TRAPPC6B: variants seen among roughly 807,000 people sequenced by gnomAD.
The protein encoded by TRAPPC6B is TRAPP complex subunit 6B.
In TRAPPC6B, 27 loss-of-function variants were observed where a neutral mutation model predicts 24.7. That is an observed-to-expected ratio of 1.09 (90% CI 0.81 to 1.51). The LOEUF is 1.51. TRAPPC6B is among the 40% of genes most tolerant of loss of function. The pLI, the probability that TRAPPC6B is intolerant of heterozygous loss-of-function variation, is 0.00. For synonymous variants in TRAPPC6B, 80 were observed against 66.6 expected, an observed-to-expected ratio of 1.20 and a Z score of -0.98; for missense variants, 212 against 190.8, an observed-to-expected ratio of 1.11 and a Z score of -0.66.
intron 4 of TRAPPC6B, 46 bp from the exon 5 acceptor site, chr14:39,151,885 T>C (rs1164334027): frequency 3.1e-6 from 4 of 1,289,380 alleles, no homozygotes; most frequent in Non-Finnish European, 4.4e-6. Context: ...TTTACTAAAA[T>C]AGTAAAGCTA....
chr14:39,152,489 C>T (rs2052926789), intron 4 of TRAPPC6B, among the ~76,000 whole-genome samples: 1 of 152,142 alleles, frequency 6.6e-6, no homozygotes, highest in Non-Finnish European at 1.5e-5. Flanking sequence ...ATTAGCAATT[C>T]AGGGAATTTT....
At chr14:39,159,374 C>T in intron 2 of TRAPPC6B, 109 bp downstream of exon 2, 1 of 666,592 alleles carries the variant, frequency 1.5e-6, no homozygotes, top group South Asian at 3.5e-5. Flanking sequence ...AAGAGAATAA[C>T]ATTCAGGAAT....
At chr14:39,157,577 T>C (rs568688644) in intron 3 of TRAPPC6B, 2 of 379,754 alleles carry the variant, frequency 5.3e-6, no homozygotes, top group Non-Finnish European at 1.0e-5. Flanking sequence ...CTGCCTGCCT[T>C]GTGTCATAAA....
At chr14:39,168,780 C>T (rs1472360597) in intron 1 of TRAPPC6B, among the ~76,000 whole-genome samples, 1 of 152,108 alleles carries the variant, frequency 6.6e-6, no homozygotes, top group African/African-American at 2.4e-5. Flanking sequence ...TCTCACTATC[C>T]CTGTCTTAAT....
chr14:39,154,263 C>T lies in TRAPPC6B; in HGVS notation c.299G>A (p.Arg100His), dbSNP rs763991701. 9 of 1,613,094 alleles carry T rather than the reference C, an allele frequency of 5.6e-6. No homozygotes were observed. The East Asian group carries it at 6.7e-5, about 12-fold the overall frequency. The part of the protein sequence containing the change: ...GIYVLQDNKF[R>H]LLTQMSAGKQ... ...TCCTGCAGACATCTGAGTAAGCAGG[C>T]GAAATTTGTTGTCCTGAAGTACATA... The change falls in exon 4 of 6, where the codon CGC becomes CAC. Residue 100 changes from arginine (R) to histidine (H), a missense_variant. Arg to His is a conservative substitution (Grantham distance 29). Coordinates refer to ENST00000330149, the MANE Select transcript of TRAPPC6B (RefSeq NM_001079537.2).
rs2053155127 is a variant in TRAPPC6B at position 39,170,221 on chromosome 14, C to T, written c.-126G>A. ...TCAGGCCGCCATTCTATCCCTGTGG[C>T]TAAGAGACCGAGGTATTCACACGAC... On this transcript the variant is annotated 5_prime_UTR_variant, in exon 1 of 6. Transcript: ENST00000330149. 1.2e-6 allele frequency: 1 copy of T among 827,836 alleles called. No homozygotes were observed. The allele number at this position is 827,836 out of a possible 1,614,324, so 51.3% of individuals were successfully genotyped here.
intron 1 of TRAPPC6B, among the ~76,000 whole-genome samples, chr14:39,161,609 A>G (rs564944494): frequency 1.3e-5 from 2 of 152,284 alleles, no homozygotes; most frequent in South Asian, 2.1e-4. Flanking sequence ...CCTTCACTTA[A>G]GCTCGCTCAC....
chr14:39,158,229 G>C (rs35270180), intron 3 of TRAPPC6B, 56 bp downstream of exon 3: 2 of 926,468 alleles, frequency 2.2e-6, no homozygotes. Context: ...ACTAAAATAC[G>C]ATATTTATAT....
chr14:39,166,526 TTTATAGTGTAA>T (rs2053110477), intron 1 of TRAPPC6B, among the ~76,000 whole-genome samples: 1 of 152,186 alleles, frequency 6.6e-6, no homozygotes, highest in African/African-American at 2.4e-5. Flanking sequence ...AGAAATTTAG[TTTATAGTGTAA>T]GCTTAAAGCA....
At chr14:39,153,453 T>G (rs1401654127) in intron 4 of TRAPPC6B, among the ~76,000 whole-genome samples, 2 of 146,446 alleles carry the variant, frequency 1.4e-5, no homozygotes, top group Non-Finnish European at 3.0e-5. Flanking sequence ...CATCGTGGGA[T>G]CCCATCTCTA....
chr14:39,155,520 C>T (rs1480527929), intron 3 of TRAPPC6B, among the ~76,000 whole-genome samples: 3 of 149,874 alleles, frequency 2.0e-5, no homozygotes, highest in Non-Finnish European at 3.0e-5. Flanking sequence ...GGATTATAGG[C>T]GTGAGCCACC....
intron 2 of TRAPPC6B, 46 bp from the exon 3 acceptor site, chr14:39,158,448 A>T: frequency 9.1e-7 from 1 of 1,095,528 alleles, no homozygotes; most frequent in Non-Finnish European, 1.3e-6. Context: ...CCTCCAAAAA[A>T]AGCAAGAGGG....
In TRAPPC6B at chr14:39,148,647, CATT is replaced by C. The variant is rs1321103191; in HGVS notation, c.*1700_*1702del. On this transcript the variant is annotated 3_prime_UTR_variant, in exon 6 of 6. Transcript: ENST00000330149. ...TCTGTGTCATTAGCTATTCCTGGGT[CATT>C]ATGACTTTTAATAAACTTTATACAT... The C allele has an allele frequency of 2.5e-6, 1 of 398,368 alleles. No individual in the cohort carries two copies. The highest frequency in any genetic ancestry group is 4.4e-6 in the Non-Finnish European group (1 of 225,968). 24.7% of individuals were successfully genotyped at this position (398,368 alleles called of 1,614,324 possible).
chr14:39,154,699 C>T (rs2052955473), intron 3 of TRAPPC6B, among the ~76,000 whole-genome samples: 1 of 152,006 alleles, frequency 6.6e-6, no homozygotes, highest in South Asian at 2.1e-4. Flanking sequence ...GGATTACAGG[C>T]ATAAGCCCAC....
At position 39,157,738 on chromosome 14, in the gene TRAPPC6B, G is replaced by A. The variant is rs542077000; in HGVS notation, c.267+547C>T. On this transcript the variant is annotated intron_variant, in intron 3 of 5. Coordinates refer to ENST00000330149, the MANE Select transcript of TRAPPC6B (RefSeq NM_001079537.2). Reference sequence around the variant, plus strand: ...GGTGGAAGCTATCAGAACCAATTACGACAGACAAAACGAAATCCACTGTCA... The same window carrying A: ...GGTGGAAGCTATCAGAACCAATTACAACAGACAAAACGAAATCCACTGTCA... 1.6e-4 allele frequency: 37 copies of A among 236,460 alleles called. No individual in the cohort carries two copies. The South Asian group carries it at 2.1e-3, about 14-fold the overall frequency. The allele number at this position is 236,460 out of a possible 1,614,324, so 14.6% of individuals were successfully genotyped here.
At chr14:39,165,792 G>GTCTC (rs138067193) in intron 1 of TRAPPC6B, among the ~76,000 whole-genome samples, 5 of 150,262 alleles carry the variant, frequency 3.3e-5, no homozygotes, top group African/African-American at 7.3e-5. Flanking sequence ...GCAAGACATT[G>GTCTC]TCTCTCTCTC....
intron 1 of TRAPPC6B, among the ~76,000 whole-genome samples, chr14:39,159,883 G>A (rs970636987): frequency 6.6e-6 from 1 of 151,950 alleles, no homozygotes; most frequent in Non-Finnish European, 1.5e-5. Flanking sequence ...AGTACAGTGG[G>A]GCCATCTCGG....
intron 1 of TRAPPC6B, among the ~76,000 whole-genome samples, chr14:39,169,264 G>A (rs1594548306): frequency 6.6e-6 from 1 of 152,132 alleles, no homozygotes; most frequent in Admixed American, 6.6e-5. Context: ...TGAGGCAGGA[G>A]TATTATTTTA....
chr14:39,153,958 G>T (rs1401636955), intron 4 of TRAPPC6B, among the ~76,000 whole-genome samples: 1 of 152,102 alleles, frequency 6.6e-6, no homozygotes, highest in East Asian at 1.9e-4. Context: ...ACCTGCCTTG[G>T]CCTCCCAAAG....
Sources: gnomAD v4.1 joint callset for allele counts (sites outside exome capture counted in the v4.1 genomes callset) on GRCh38, gnomAD v4.1.1 for gene constraint, MANE v1.5 for transcripts, NCBI Gene and HGNC (gene_info 2026-07-23, HGNC 2026-07-21) for gene names.